Variants in UVRAG observed in about 807,000 individuals in gnomAD.
UVRAG encodes UV radiation resistance-associated gene protein.
UVRAG carries 19 observed loss-of-function variants against 78.0 expected under a neutral mutation model. That is an observed-to-expected ratio of 0.24 (90% CI 0.17 to 0.36). The LOEUF (loss-of-function observed/expected upper bound fraction) is 0.36. UVRAG is among the 10% of genes least tolerant of loss of function. The pLI is 1.00. For missense variants in UVRAG, 740 were observed against 853.8 expected (o/e 0.87, Z 1.66); for synonymous variants, 323 against 324.6 (o/e 1.00, Z 0.05).
At chr11:76,095,705 A>C (rs1951775253) in intron 13 of UVRAG, among the ~76,000 whole-genome samples, 1 of 151,572 alleles carries the variant, frequency 6.6e-6, no homozygotes, top group Admixed American at 6.6e-5. Context: ...CTATCTCTAT[A>C]AAATATTTTT....
At chr11:75,831,511 A>AAC (rs540983093) in intron 1 of UVRAG, among the ~76,000 whole-genome samples, 1,493 of 139,252 alleles carry the variant, frequency 0.011, 31 homozygotes, top group African/African-American at 0.04. Context: ...AACAAAAAAA[A>AAC]AAAACAAAAC....
chr11:75,934,430 A>T (rs1227828307), intron 6 of UVRAG, among the ~76,000 whole-genome samples: 1 of 152,154 alleles, frequency 6.6e-6, no homozygotes, highest in Non-Finnish European at 1.5e-5. Context: ...AATAATACCT[A>T]ATACTTGCTA....
At chr11:75,882,018 C>T (rs1395351909) in intron 4 of UVRAG, among the ~76,000 whole-genome samples, 2 of 152,206 alleles carry the variant, frequency 1.3e-5, no homozygotes, top group South Asian at 4.1e-4. Flanking sequence ...TCCTTGGTAA[C>T]CCCCCACCCC....
intron 12 of UVRAG, among the ~76,000 whole-genome samples, chr11:76,028,440 G>A (rs1266030371): frequency 6.6e-6 from 1 of 152,138 alleles, no homozygotes; most frequent in African/African-American, 2.4e-5. Context: ...TGAGCTTAAT[G>A]AGGAAAGAAT....
chr11:75,928,219 C>T (rs755161045), intron 6 of UVRAG, among the ~76,000 whole-genome samples: 2 of 152,194 alleles, frequency 1.3e-5, no homozygotes, highest in Non-Finnish European at 2.9e-5. Flanking sequence ...CCATCCCACA[C>T]TTACCAGACA....
chr11:75,886,852 A>ATTT (rs111413713), intron 4 of UVRAG, among the ~76,000 whole-genome samples: 7 of 144,554 alleles, frequency 4.8e-5, no homozygotes, highest in African/African-American at 1.7e-4. Context: ...CGGCAGAAGA[A>ATTT]TTTTTTTTTT....
chr11:75,919,749 G>C (rs1335648571), intron 6 of UVRAG, among the ~76,000 whole-genome samples: 3 of 152,124 alleles, frequency 2.0e-5, no homozygotes, highest in African/African-American at 7.2e-5. Flanking sequence ...TTTTAATAAT[G>C]CTGTCTCCAT....
intron 3 of UVRAG, among the ~76,000 whole-genome samples, chr11:75,876,056 C>T (rs1217739588): frequency 1.3e-5 from 2 of 152,118 alleles, no homozygotes; most frequent in African/African-American, 4.8e-5. Context: ...AAAGCCCCGG[C>T]TTTGTATAGA....
intron 3 of UVRAG, among the ~76,000 whole-genome samples, chr11:75,877,495 T>G (rs1334533390): frequency 9.1e-5 from 13 of 142,998 alleles, no homozygotes; most frequent in Non-Finnish European, 1.8e-4. Flanking sequence ...ACGGGGCGGC[T>G]GGCTGGGCGG....
chr11:76,093,750 G>A lies in UVRAG; in HGVS notation c.1306-22174G>A, dbSNP rs1951743350. On this transcript the variant is annotated intron_variant, in intron 13 of 14. Transcript: ENST00000356136. ...CTAAAGTTACTTATTGGCTTAAAGA[G>A]ATGTTGGGCTGAGACAATGGGGTTT... Among the ~76,000 whole-genome samples the A allele has an allele frequency of 2.0e-5, 3 of 152,202 alleles. No homozygotes were observed. The South Asian group carries it at 6.2e-4, about 31-fold the overall frequency.
At position 76,144,028 on chromosome 11, in the gene UVRAG, C is replaced by T. The variant is rs1009296693; in HGVS notation, c.*2615C>T. The stretch of plus-strand genomic sequence containing the variant: ...CTTTAGAAATTCCAGAGATTTTTTT[C>T]CCCTCAGAATATTAGTTTTGGAAGA... On this transcript the variant is annotated 3_prime_UTR_variant, in exon 15 of 15. Transcript: ENST00000356136. Among the ~76,000 whole-genome samples, 4 of 152,008 alleles carry T rather than the reference C, an allele frequency of 2.6e-5. No individual in the cohort carries two copies. Among genetic ancestry groups the T allele is most frequent in the African/African-American group, 9.7e-5 (4 of 41,396 alleles).
chr11:76,087,014 TAAC>T (rs1045491756), intron 13 of UVRAG, among the ~76,000 whole-genome samples: 1 of 152,252 alleles, frequency 6.6e-6, no homozygotes, highest in African/African-American at 2.4e-5. Flanking sequence ...TCCTAGTGTC[TAAC>T]ATTTTGTGAA....
chr11:75,904,014 G>A (rs1268586552), intron 5 of UVRAG, among the ~76,000 whole-genome samples: 1 of 152,166 alleles, frequency 6.6e-6, no homozygotes, highest in Non-Finnish European at 1.5e-5. Context: ...TAAGCAAACT[G>A]TAGTCCAGCA....
At chr11:75,820,164 G>A (rs116911067) in intron 1 of UVRAG, among the ~76,000 whole-genome samples, 3,023 of 151,934 alleles carry the variant, frequency 0.02, 36 homozygotes, top group South Asian at 0.047. Context: ...TTTTCATAGA[G>A]ATGGGGTCTT....
At chr11:75,969,867 T>C (rs1385575816) in intron 7 of UVRAG, among the ~76,000 whole-genome samples, 1 of 152,184 alleles carries the variant, frequency 6.6e-6, no homozygotes, top group African/African-American at 2.4e-5. Context: ...GCTTCCTCAT[T>C]GTGAGTCAAA....
chr11:76,132,673 G>A (rs1233932341), intron 14 of UVRAG, among the ~76,000 whole-genome samples: 1 of 151,958 alleles, frequency 6.6e-6, no homozygotes, highest in Non-Finnish European at 1.5e-5. Flanking sequence ...ATTTACATCA[G>A]TTCGTGGCAG....
rs114207311 is a variant in UVRAG at position 75,965,913 on chromosome 11, G to A, written c.699+4364G>A. On this transcript the variant is annotated intron_variant, in intron 7 of 14. Coordinates refer to ENST00000356136, the MANE Select transcript of UVRAG (RefSeq NM_003369.4). ...TTTGATTTTCATCCAGTACAATGTT[G>A]GACAAAAAAAATAGTAAGAACAGGA... Among the ~76,000 whole-genome samples, 545 of 151,278 alleles carry A rather than the reference G, an allele frequency of 3.6e-3. 2 individuals are homozygous for A. The highest frequency in any genetic ancestry group is 0.012 in the African/African-American group (479 of 41,360).
At chr11:76,064,252 T>G (rs1321963618) in intron 12 of UVRAG, among the ~76,000 whole-genome samples, 1 of 152,172 alleles carries the variant, frequency 6.6e-6, no homozygotes, top group Non-Finnish European at 1.5e-5. Context: ...ATAGTCTACA[T>G]TTGAAGCTTA....
In UVRAG at chr11:76,082,432, C is replaced by T. The variant is rs564815008; in HGVS notation, c.1305+16644C>T. ...TCGGGCGCCTGTAATCCCAGCTACT[C>T]GGGAGGCTGAGGCAGGAGAATGGCA... On this transcript the variant is annotated intron_variant, in intron 13 of 14. Coordinates refer to ENST00000356136, the MANE Select transcript of UVRAG (RefSeq NM_003369.4). Among the ~76,000 whole-genome samples the T allele has an allele frequency of 5.5e-5, 8 of 145,526 alleles. No homozygotes were observed. The South Asian group carries it at 1.5e-3, about 28-fold the overall frequency.
Sources: allele counts gnomAD v4.1 joint callset (sites outside exome capture counted in the v4.1 genomes callset), GRCh38; gene constraint gnomAD v4.1.1; transcripts MANE v1.5; gene names NCBI Gene and HGNC (gene_info 2026-07-23, HGNC 2026-07-21).